Variants in SLC41A2 observed in about 807,000 individuals in gnomAD.
The protein encoded by SLC41A2 is solute carrier family 41 member 2, also known as SLC41A1-like 1.
A neutral mutation model predicts 58.3 loss-of-function variants in SLC41A2; 32 were observed. The observed-to-expected ratio is 0.55, with a 90% confidence interval of 0.41 to 0.74. SLC41A2 has a LOEUF of 0.74. SLC41A2 is among the 30% of genes least tolerant of loss of function. SLC41A2 has a pLI of 0.00. For missense variants in SLC41A2, 514 were observed against 680.6 expected, an observed-to-expected ratio of 0.76 and a Z score of 2.72; for synonymous variants, 190 against 235.0, an observed-to-expected ratio of 0.81 and a Z score of 1.75.
chr12:104,894,894 T>C (rs1377228197), intron 4 of SLC41A2, among the ~76,000 whole-genome samples: 1 of 152,132 alleles, frequency 6.6e-6, no homozygotes, highest in South Asian at 2.1e-4. Context: ...GATCATAATA[T>C]ATAGAAAAGA....
intron 7 of SLC41A2, among the ~76,000 whole-genome samples, chr12:104,861,678 G>A (rs2136425892): frequency 6.6e-6 from 1 of 152,274 alleles, no homozygotes; most frequent in South Asian, 2.1e-4. Flanking sequence ...TATTAACCAT[G>A]TCTATTTCTG....
chr12:104,897,451 T>G (rs1329333554), intron 3 of SLC41A2, among the ~76,000 whole-genome samples: 1 of 152,092 alleles, frequency 6.6e-6, no homozygotes, highest in Non-Finnish European at 1.5e-5. Context: ...AGTGTCACTT[T>G]TCAATTAATC....
At chr12:104,886,639 A>T (rs977498418) in intron 5 of SLC41A2, among the ~76,000 whole-genome samples, 200 bp from the exon 6 acceptor site, 2 of 152,072 alleles carry the variant, frequency 1.3e-5, no homozygotes, top group Non-Finnish European at 2.9e-5. Context: ...GGATCATAGA[A>T]AATTTAAGAA....
chr12:104,896,045 C>T (rs544691146), intron 3 of SLC41A2, among the ~76,000 whole-genome samples: 10 of 152,214 alleles, frequency 6.6e-5, no homozygotes, highest in African/African-American at 2.2e-4. Context: ...TGGAAAGCAA[C>T]GAACAATCAT....
intron 10 of SLC41A2, among the ~76,000 whole-genome samples, chr12:104,838,468 T>A (rs1353193938): frequency 6.6e-6 from 1 of 152,248 alleles, no homozygotes; most frequent in African/African-American, 2.4e-5. Context: ...GCAATTTGCA[T>A]GTATGCATAA....
chr12:104,882,219 A>C (rs1216932376), intron 6 of SLC41A2, among the ~76,000 whole-genome samples: 1 of 151,982 alleles, frequency 6.6e-6, no homozygotes, highest in Non-Finnish European at 1.5e-5. Flanking sequence ...GTCTCTGCAC[A>C]TAAGATGGGT....
chr12:104,890,906 TGTGGGCCTC>T (rs1192617711), intron 4 of SLC41A2, among the ~76,000 whole-genome samples: 1 of 152,086 alleles, frequency 6.6e-6, no homozygotes, highest in Non-Finnish European at 1.5e-5. Context: ...CAAGTGGGAG[TGTGGGCCTC>T]GTCTGTGCTT....
At chr12:104,889,436 C>T (rs767840613) in intron 4 of SLC41A2, among the ~76,000 whole-genome samples, 1 of 152,082 alleles carries the variant, frequency 6.6e-6, no homozygotes, top group Non-Finnish European at 1.5e-5. Context: ...CCAAGTGATG[C>T]TGATGGTATA....
Position 104,845,953 on chromosome 12 carries a change from G to T in SLC41A2, c.1277C>A (p.Ala426Asp). The change falls in exon 9 of 11, where the codon GCC (alanine) becomes GAC (aspartate). Residue 426 changes from alanine to aspartate, a missense_variant. Coordinates refer to ENST00000258538, the MANE Select transcript of SLC41A2 (RefSeq NM_001352171.3). ...GGTAGAAATCCTGCTAGCCTGAATG[G>T]CCACCAAATTACCACCAATACCTGA... is the stretch of plus-strand genomic sequence containing the variant. ...VINGIGGNLV[A>D]IQASRISTYL... 1 of 1,613,128 alleles carries T rather than the reference G, an allele frequency of 6.2e-7. No individual in the cohort carries two copies. The highest frequency in any genetic ancestry group is 8.5e-7 in the Non-Finnish European group (1 of 1,179,420).
chr12:104,870,909 C>G (rs1229377879), intron 6 of SLC41A2, among the ~76,000 whole-genome samples: 3 of 152,124 alleles, frequency 2.0e-5, no homozygotes, highest in African/African-American at 4.8e-5. Context: ...TCTGAGGGAA[C>G]TGATACTCTA....
chr12:104,851,554 T>TA (rs1351800589), intron 8 of SLC41A2, among the ~76,000 whole-genome samples: 1 of 151,846 alleles, frequency 6.6e-6, no homozygotes, highest in Non-Finnish European at 1.5e-5. Flanking sequence ...TAGCTAATTT[T>TA]AAAAAAAATT....
Position 104,892,312 on chromosome 12 carries a change from A to AAAT in SLC41A2, c.735+2961_735+2962insATT, listed in dbSNP as rs1414426777. Among the ~76,000 whole-genome samples the AAAT allele has an allele frequency of 0.014, 1,764 of 124,048 alleles. 121 individuals carry two copies. The East Asian group carries it at 0.17, about 12-fold the overall frequency. The allele number at this position is 124,048 out of a possible 152,430, so 81.4% of individuals were successfully genotyped here. On this transcript the variant is annotated intron_variant, in intron 4 of 10. Coordinates refer to ENST00000258538, the MANE Select transcript of SLC41A2 (RefSeq NM_001352171.3). ...CCTCATCTCAAAAAAAAAATAAAAT[A>AAAT]AAATAAAATAAAATAAAATAAAATA... is the stretch of plus-strand genomic sequence containing the variant.
At chr12:104,911,928 T>C (rs1449666611) in intron 2 of SLC41A2, among the ~76,000 whole-genome samples, 3 of 152,218 alleles carry the variant, frequency 2.0e-5, no homozygotes, top group African/African-American at 7.2e-5. Flanking sequence ...TAATGAAATA[T>C]GTATCTTTCA....
At chr12:104,896,529 A>G (rs2045287746) in intron 3 of SLC41A2, among the ~76,000 whole-genome samples, 1 of 152,226 alleles carries the variant, frequency 6.6e-6, no homozygotes, top group South Asian at 2.1e-4. Flanking sequence ...GAGTTCAAGA[A>G]ATAGGAATGA....
At chr12:104,942,219 C>T (rs1298464566) in intron 1 of SLC41A2, among the ~76,000 whole-genome samples, 1 of 152,168 alleles carries the variant, frequency 6.6e-6, no homozygotes, top group East Asian at 1.9e-4. Context: ...TGACTCACAC[C>T]TGTAATCCTA....
At chr12:104,849,682 G>T (rs1250094217) in intron 8 of SLC41A2, among the ~76,000 whole-genome samples, 1 of 152,128 alleles carries the variant, frequency 6.6e-6, no homozygotes, top group South Asian at 2.1e-4. Context: ...AAAAAAATTA[G>T]CTGGGTGTGC....
At chr12:104,887,862 A>G (rs1459442915) in intron 5 of SLC41A2, among the ~76,000 whole-genome samples, 1 of 152,026 alleles carries the variant, frequency 6.6e-6, no homozygotes, top group Non-Finnish European at 1.5e-5. Context: ...TCTACTTTAC[A>G]TATACTAAAG....
At chr12:104,878,430 T>A (rs905145600) in intron 6 of SLC41A2, among the ~76,000 whole-genome samples, 3 of 151,728 alleles carry the variant, frequency 2.0e-5, no homozygotes, top group East Asian at 3.9e-4. Context: ...ATCATTAACA[T>A]TAGGTATTTC....
chr12:104,919,564 T>C (rs1485787850), intron 2 of SLC41A2, among the ~76,000 whole-genome samples: 1 of 152,246 alleles, frequency 6.6e-6, no homozygotes, highest in African/African-American at 2.4e-5. Context: ...TGATAGTTCA[T>C]TGTGGTTTTC....
Sources: allele counts gnomAD v4.1 joint callset (sites outside exome capture counted in the v4.1 genomes callset), GRCh38; gene constraint gnomAD v4.1.1; transcripts MANE v1.5; gene names NCBI Gene and HGNC (gene_info 2026-07-23, HGNC 2026-07-21).